PLEKHA7: variants seen among roughly 807,000 people sequenced by gnomAD.
The protein encoded by PLEKHA7 is pleckstrin homology domain containing A7, also known as pleckstrin homology domain-containing family A member 7.
A neutral mutation model predicts 170.0 loss-of-function variants in PLEKHA7; 104 were observed. The ratio of observed to expected loss-of-function variants is 0.61; its 90% CI spans 0.52 to 0.72. The LOEUF (loss-of-function observed/expected upper bound fraction) is 0.72. Among genes scored for constraint, PLEKHA7 ranks in the 30% least tolerant of loss-of-function variants. PLEKHA7 has a pLI of 0.00. For missense variants in PLEKHA7, 1,615 were observed against 1,671.7 expected, an observed-to-expected ratio of 0.97 and a Z score of 0.59; for synonymous variants, 648 against 660.8, an observed-to-expected ratio of 0.98 and a Z score of 0.30.
chr11:16,983,026 C>A (rs1307214552), intron 3 of PLEKHA7, among the ~76,000 whole-genome samples: 1 of 152,200 alleles, frequency 6.6e-6, no homozygotes, highest in African/African-American at 2.4e-5. Flanking sequence ...CTTTCCTGGG[C>A]CTCCTACCAG....
chr11:16,982,818 G>C (rs28461541), intron 3 of PLEKHA7, among the ~76,000 whole-genome samples: 4 of 132,672 alleles, frequency 3.0e-5, no homozygotes, highest in South Asian at 2.6e-4. Context: ...GAGAAAGAGA[G>C]ACAGAGAGAG....
chr11:16,785,873 T>A (rs969974847), intron 24 of PLEKHA7, among the ~76,000 whole-genome samples: 1 of 152,170 alleles, frequency 6.6e-6, no homozygotes, highest in Non-Finnish European at 1.5e-5. Flanking sequence ...CAGGGAACAT[T>A]TCCTAACAAT....
At chr11:16,843,273 C>T (rs115520866) in intron 8 of PLEKHA7, among the ~76,000 whole-genome samples, 220 of 152,350 alleles carry the variant, frequency 1.4e-3, no homozygotes, top group African/African-American at 5.0e-3. Flanking sequence ...GCATGAAAGG[C>T]AGACCCCATG....
At chr11:16,937,148 A>C (rs1418871010) in intron 3 of PLEKHA7, among the ~76,000 whole-genome samples, 2 of 152,146 alleles carry the variant, frequency 1.3e-5, no homozygotes, top group Non-Finnish European at 2.9e-5. Flanking sequence ...GATGGCCACC[A>C]AGCTCTCTGG....
chr11:16,978,024 G>T (rs190577997), intron 3 of PLEKHA7, among the ~76,000 whole-genome samples: 1 of 151,998 alleles, frequency 6.6e-6, no homozygotes, highest in East Asian at 1.9e-4. Context: ...CATTAAAATC[G>T]GTTGGACAGC....
chr11:16,949,625 T>C (rs1332921020), intron 3 of PLEKHA7, among the ~76,000 whole-genome samples: 1 of 152,224 alleles, frequency 6.6e-6, no homozygotes, highest in Non-Finnish European at 1.5e-5. Flanking sequence ...CATTCATTCA[T>C]TCCAATGTCT....
intron 8 of PLEKHA7, among the ~76,000 whole-genome samples, chr11:16,843,191 G>A (rs537986316): frequency 6.6e-6 from 1 of 152,316 alleles, no homozygotes; most frequent in South Asian, 2.1e-4. Flanking sequence ...AGGCTTCTCT[G>A]TATATTGCTC....
intron 24 of PLEKHA7, among the ~76,000 whole-genome samples, chr11:16,784,922 A>C (rs528193011): frequency 6.6e-6 from 1 of 152,170 alleles, no homozygotes; most frequent in Non-Finnish European, 1.5e-5. Context: ...ACTACAGAAC[A>C]CACTTCCCCT....
At position 16,789,799 on chromosome 11, in the gene PLEKHA7, G is replaced by A. The variant is rs371305234; in HGVS notation, c.3132C>T (p.Ala1044=). ...PYVTLRRGLN[A]ESSKATFPRP... ...CAGGGAAGGTCGCCTTGCTGCTTTCGGCATTGAGACCCCTCCGGAGTGTGA... is the reference window on the plus strand; with the variant it reads ...CAGGGAAGGTCGCCTTGCTGCTTTCAGCATTGAGACCCCTCCGGAGTGTGA... The change falls in exon 22 of 27, where the codon GCC becomes GCT. Residue 1044 remains alanine (A), a synonymous_variant. Transcript: ENST00000531066. This position sits in a 1 kb window ranked among gnomAD's most constrained non-coding sequence, Gnocchi z 4.6. 3.7e-5 allele frequency: 60 copies of A among 1,614,040 alleles called. No individual in the cohort carries two copies. The African/African-American group carries it at 3.9e-4, about 10-fold the overall frequency.
chr11:16,957,697 C>CTTTTTTTTTTCTTTTTTTTTTTTTTT (rs58942054), intron 3 of PLEKHA7, among the ~76,000 whole-genome samples: 2 of 87,296 alleles, frequency 2.3e-5, no homozygotes, highest in African/African-American at 1.0e-4. Flanking sequence ...TAATTTTTTT[C>CTTTTTTTTTTCTTTTTTTTTTTTTTT]TTTTTTTTTT....
At chr11:16,811,810 G>T (rs1455856758) in intron 13 of PLEKHA7, among the ~76,000 whole-genome samples, 1 of 152,230 alleles carries the variant, frequency 6.6e-6, no homozygotes, top group East Asian at 1.9e-4. Context: ...GCATGACCTA[G>T]TGCCACCTCC....
chr11:16,866,583 ACT>A (rs1213120296), intron 4 of PLEKHA7, among the ~76,000 whole-genome samples: 2 of 150,386 alleles, frequency 1.3e-5, no homozygotes, highest in South Asian at 2.1e-4. Flanking sequence ...CAAGAATGAA[ACT>A]CTGTCTCAAA....
intron 3 of PLEKHA7, among the ~76,000 whole-genome samples, chr11:16,929,586 T>C (rs1412533463): frequency 6.6e-6 from 1 of 152,250 alleles, no homozygotes; most frequent in African/African-American, 2.4e-5. Context: ...GGGTGATCTC[T>C]GCCTCCCCCG....
chr11:17,003,753 T>C (rs977326792), intron 3 of PLEKHA7, among the ~76,000 whole-genome samples: 4 of 152,214 alleles, frequency 2.6e-5, no homozygotes, highest in Admixed American at 1.3e-4. Flanking sequence ...TTCATACATT[T>C]TTCTGCATGA....
At chr11:16,936,722 G>C (rs558989090) in intron 3 of PLEKHA7, among the ~76,000 whole-genome samples, 2 of 152,248 alleles carry the variant, frequency 1.3e-5, no homozygotes, top group Non-Finnish European at 2.9e-5. Context: ...GCAGAAACCA[G>C]GGAAAATGAG....
chr11:16,907,047 G>A (rs1196952069), intron 3 of PLEKHA7, among the ~76,000 whole-genome samples: 3 of 146,602 alleles, frequency 2.0e-5, no homozygotes, highest in Admixed American at 6.7e-5. Flanking sequence ...CCCTCTGCCC[G>A]GCAGCCACTC....
chr11:16,803,073 A>C, intron 14 of PLEKHA7, 21 bp from the exon 15 acceptor site: 1 of 1,605,818 alleles, frequency 6.2e-7, no homozygotes, highest in Non-Finnish European at 8.5e-7. Flanking sequence ...GAACAGGTGG[A>C]GAGGGCCTGG....
Position 16,996,544 on chromosome 11 carries a change from G to A in PLEKHA7, c.221+17445C>T, listed in dbSNP as rs559208938. ...TCAGGTACACAGGGATGGGAGAGCC[G>A]GGAAATGCTTATAACCTGCAGGAAG... On this transcript the variant is annotated intron_variant, in intron 3 of 26. Transcript: ENST00000531066. Among the ~76,000 whole-genome samples the A allele has an allele frequency of 7.9e-5, 12 of 152,264 alleles. No homozygotes were observed. In the East Asian group the frequency reaches 9.7e-4, roughly 12 times the overall value.
chr11:16,822,150 G>A (rs1850271202), intron 10 of PLEKHA7, among the ~76,000 whole-genome samples: 1 of 152,142 alleles, frequency 6.6e-6, no homozygotes, highest in African/African-American at 2.4e-5. Context: ...ATGGTTTACA[G>A]GCTGCTGGAG....
Sources: gnomAD v4.1 joint callset for allele counts (sites outside exome capture counted in the v4.1 genomes callset) on GRCh38, gnomAD v4.1.1 for gene constraint, Gnocchi (gnomAD v3.1) non-coding constraint, MANE v1.5 for transcripts, NCBI Gene and HGNC (gene_info 2026-07-23, HGNC 2026-07-21) for gene names.